ACSL3: variants seen among roughly 807,000 people sequenced by gnomAD.
The protein encoded by ACSL3 is acyl-CoA synthetase long chain family member 3.
A neutral mutation model predicts 84.7 loss-of-function variants in ACSL3; 34 were observed. The observed-to-expected ratio is 0.40, with a 90% CI of 0.31 to 0.53. The LOEUF is 0.53. Ranked by LOEUF, ACSL3 falls within the 20% of genes least tolerant of loss-of-function variation. The pLI is 0.48. For missense variants in ACSL3, 680 were observed against 873.1 expected (o/e 0.78, Z 2.79); for synonymous variants, 315 against 299.4 (o/e 1.05, Z -0.54).
chr2:222,913,055 A>G (rs1259220896), intron 4 of ACSL3, among the ~76,000 whole-genome samples: 1 of 152,196 alleles, frequency 6.6e-6, no homozygotes, highest in Non-Finnish European at 1.5e-5. Flanking sequence ...TAGAAACAGA[A>G]AAGAGTACAA....
At chr2:222,934,438 A>G (rs578179097) in intron 15 of ACSL3, 92 bp from the exon 16 acceptor site, 1 of 1,049,118 alleles carries the variant, frequency 9.5e-7, no homozygotes, top group African/African-American at 1.7e-5. Flanking sequence ...AAAAAAAATG[A>G]GGAGTTATTT....
chr2:222,924,737 T>G, intron 11 of ACSL3, 142 bp downstream of exon 11: 1 of 1,017,192 alleles, frequency 9.8e-7, no homozygotes, highest in Non-Finnish European at 1.3e-6. Flanking sequence ...AAAAAATCCA[T>G]CCCAGGCCAG....
chr2:222,937,356 T>C (rs1177743608), intron 16 of ACSL3, among the ~76,000 whole-genome samples: 1 of 152,172 alleles, frequency 6.6e-6, no homozygotes, highest in Non-Finnish European at 1.5e-5. Flanking sequence ...CATATAACTT[T>C]TCTTTTTGAT....
At chr2:222,930,026 T>G (rs1360663617) in intron 13 of ACSL3, among the ~76,000 whole-genome samples, 1 of 149,312 alleles carries the variant, frequency 6.7e-6, no homozygotes, top group Non-Finnish European at 1.5e-5. Context: ...CCTCCTGGGT[T>G]CAAGTGATTC....
At chr2:222,886,922 C>T (rs568341657) in intron 1 of ACSL3, among the ~76,000 whole-genome samples, 3 of 152,290 alleles carry the variant, frequency 2.0e-5, no homozygotes, top group South Asian at 4.1e-4. Context: ...TACATTGACA[C>T]ATCGTTATCA....
At chr2:222,878,400 C>T (rs1695508130) in intron 1 of ACSL3, among the ~76,000 whole-genome samples, 1 of 152,126 alleles carries the variant, frequency 6.6e-6, no homozygotes, top group Admixed American at 6.6e-5. Flanking sequence ...CAGGCCAGGC[C>T]CACTGCTTGC....
At chr2:222,881,744 G>A (rs938375085) in intron 1 of ACSL3, among the ~76,000 whole-genome samples, 1 of 152,154 alleles carries the variant, frequency 6.6e-6, no homozygotes, top group Non-Finnish European at 1.5e-5. Flanking sequence ...ATGAACTGAC[G>A]TCAGGTGGTC....
intron 1 of ACSL3, among the ~76,000 whole-genome samples, chr2:222,882,584 T>C (rs565002294): frequency 9.2e-5 from 14 of 151,980 alleles, no homozygotes; most frequent in South Asian, 6.2e-4. Context: ...GAATTCCTGC[T>C]CCTGTGAGAA....
At chr2:222,865,028 C>T (rs1695102654) in intron 1 of ACSL3, among the ~76,000 whole-genome samples, 1 of 152,042 alleles carries the variant, frequency 6.6e-6, no homozygotes, top group Non-Finnish European at 1.5e-5. Flanking sequence ...TAATTTCATC[C>T]CTCAATAGAG....
chr2:222,920,741 C>T (rs547503398), intron 7 of ACSL3, among the ~76,000 whole-genome samples: 36 of 152,250 alleles, frequency 2.4e-4, no homozygotes, highest in African/African-American at 5.5e-4. Flanking sequence ...GAGTTCTTCC[C>T]GTGGCCTTTG....
chr2:222,901,964 A>AAAAAAAG (rs57522671), intron 3 of ACSL3, among the ~76,000 whole-genome samples: 1,154 of 99,206 alleles, frequency 0.012, 100 homozygotes, highest in Non-Finnish European at 0.016. Context: ...AAAAAAAAAA[A>AAAAAAAG]GAACTCAAAT....
At chr2:222,883,109 G>A (rs1695632085) in intron 1 of ACSL3, among the ~76,000 whole-genome samples, 1 of 149,806 alleles carries the variant, frequency 6.7e-6, no homozygotes, top group Non-Finnish European at 1.5e-5. Context: ...ATTCTGATAT[G>A]TATCCTTCTT....
At chr2:222,874,570 C>T (rs139358000) in intron 1 of ACSL3, among the ~76,000 whole-genome samples, 9 of 151,356 alleles carry the variant, frequency 5.9e-5, no homozygotes, top group Non-Finnish European at 8.8e-5. Flanking sequence ...GCTGTGGTTC[C>T]GGCTGCTTGG....
At chr2:222,870,324 G>A (rs1048257803) in intron 1 of ACSL3, among the ~76,000 whole-genome samples, 4 of 152,114 alleles carry the variant, frequency 2.6e-5, no homozygotes, top group Non-Finnish European at 5.9e-5. Flanking sequence ...GGAATTTAAT[G>A]GGGTGTTTGC....
At chr2:222,916,728 A>G in intron 5 of ACSL3, 1 of 340,178 alleles carries the variant, frequency 2.9e-6, no homozygotes, top group Non-Finnish European at 5.2e-6. Flanking sequence ...GGAGACTTTC[A>G]GGTCTTGAGA....
intron 16 of ACSL3, 86 bp from the exon 17 acceptor site, chr2:222,941,411 A>G (rs1367921549): frequency 2.7e-6 from 3 of 1,118,404 alleles, no homozygotes; most frequent in Non-Finnish European, 3.8e-6. Flanking sequence ...GTGCATTTTG[A>G]TGGATACGCA....
intron 1 of ACSL3, among the ~76,000 whole-genome samples, chr2:222,870,946 C>T (rs1046790431): frequency 6.6e-6 from 1 of 152,050 alleles, no homozygotes; most frequent in Non-Finnish European, 1.5e-5. Flanking sequence ...GTGGCAACGT[C>T]ACACTGGCAA....
intron 14 of ACSL3, among the ~76,000 whole-genome samples, chr2:222,931,426 A>AG (rs907209205): frequency 2.0e-4 from 30 of 151,806 alleles, no homozygotes; most frequent in African/African-American, 7.0e-4. Flanking sequence ...AAAAAAAAAA[A>AG]AGTTAATGGC....
At position 222,930,681 on chromosome 2, in the gene ACSL3, G is replaced by A. The variant is rs775868759; in HGVS notation, c.1601G>A (p.Ser534Asn). The change falls in exon 14 of 17, where the codon AGT becomes AAT. Residue 534 changes from serine to asparagine, a missense_variant. Physicochemically the swap from Ser to Asn is conservative, Grantham distance 46. Transcript: ENST00000357430. ...GGTGAAATTCTTATTGGGGGCCAAA[G>A]TGTGACAATGGGGTACTACAAAAAT... ...PRGEILIGGQ[S>N]VTMGYYKNEA... is the part of the protein sequence containing the mutation. 5 of 1,614,026 alleles carry A rather than the reference G, an allele frequency of 3.1e-6. No homozygotes were observed. In the African/African-American group the frequency reaches 4.0e-5, roughly 13 times the overall value.
Sources: gnomAD v4.1 joint callset for allele counts (sites outside exome capture counted in the v4.1 genomes callset) on GRCh38, gnomAD v4.1.1 for gene constraint, MANE v1.5 for transcripts, NCBI Gene and HGNC (gene_info 2026-07-23, HGNC 2026-07-21) for gene names.